The following KLF12 variants were observed in gnomAD, a reference collection of about 807,000 sequenced individuals.
KLF12 encodes Krueppel-like factor 12.
A neutral mutation model predicts 37.8 loss-of-function variants in KLF12; 9 were observed. The observed-to-expected ratio is 0.24, with a 90% confidence interval of 0.14 to 0.42. The LOEUF is 0.42. KLF12 is among the 10% of genes least tolerant of loss of function. KLF12 has a pLI of 1.00. For missense variants in KLF12, 411 were observed against 516.0 expected (o/e 0.80, Z 1.97); for synonymous variants, 208 against 202.1 (o/e 1.03, Z -0.25).
chr13:74,093,508 G>A (rs568711933), intron 1 of KLF12, among the ~76,000 whole-genome samples: 1 of 152,174 alleles, frequency 6.6e-6, no homozygotes, highest in South Asian at 2.1e-4. Context: ...ATTGGGCAAA[G>A]CTGGAATTCC....
At chr13:73,919,106 C>T (rs1436575329) in intron 3 of KLF12, among the ~76,000 whole-genome samples, 3 of 152,312 alleles carry the variant, frequency 2.0e-5, no homozygotes, top group African/African-American at 2.4e-5. Flanking sequence ...TACCCAGGAG[C>T]ACTGTCCACA....
chr13:74,001,797 C>T (rs1256377099), intron 1 of KLF12, among the ~76,000 whole-genome samples: 1 of 152,204 alleles, frequency 6.6e-6, no homozygotes, highest in Non-Finnish European at 1.5e-5. Flanking sequence ...TTCCATCAAA[C>T]TGTGAAACTT....
the KLF12 span, among the ~76,000 whole-genome samples, chr13:74,238,512 A>G: frequency 1.5e-5 from 2 of 137,156 alleles, no homozygotes; most frequent in Admixed American, 6.8e-5. Context: ...TTCAGAAGGA[A>G]TGGTACCAGT....
intron 1 of KLF12, among the ~76,000 whole-genome samples, chr13:74,070,151 G>C (rs1420369165): frequency 6.6e-6 from 1 of 152,188 alleles, no homozygotes; most frequent in East Asian, 1.9e-4. Flanking sequence ...AGACAAGAAG[G>C]AGAGGAGACC....
At chr13:73,780,503 GAGTT>G (rs1304866233) in intron 5 of KLF12, among the ~76,000 whole-genome samples, 1 of 151,388 alleles carries the variant, frequency 6.6e-6, no homozygotes. Context: ...CTTTGAGACG[GAGTT>G]TCGCTCTTGT....
intron 6 of KLF12, among the ~76,000 whole-genome samples, chr13:73,719,328 T>G (rs1876053690): frequency 6.6e-6 from 1 of 151,688 alleles, no homozygotes; most frequent in East Asian, 1.9e-4. Context: ...GGACTGGGGG[T>G]TTGTCTGAAC....
the KLF12 span, among the ~76,000 whole-genome samples, chr13:74,225,545 A>G: frequency 3.3e-5 from 5 of 152,236 alleles, no homozygotes; most frequent in African/African-American, 9.6e-5. Flanking sequence ...ATAGTATCCA[A>G]TAGTGATAAT....
intron 6 of KLF12, among the ~76,000 whole-genome samples, chr13:73,760,473 C>T (rs746271660): frequency 2.6e-5 from 4 of 151,968 alleles, no homozygotes; most frequent in Admixed American, 6.6e-5. Flanking sequence ...CATACCATCA[C>T]GCCTGGCTAA....
chr13:73,741,230 C>T (rs1877952925), intron 6 of KLF12, among the ~76,000 whole-genome samples: 1 of 152,044 alleles, frequency 6.6e-6, no homozygotes, highest in Non-Finnish European at 1.5e-5. Flanking sequence ...TGAAACACGT[C>T]GATGTGATGA....
chr13:74,187,031 C>G, the KLF12 span, among the ~76,000 whole-genome samples: 2 of 152,136 alleles, frequency 1.3e-5, no homozygotes, highest in Non-Finnish European at 2.9e-5. Flanking sequence ...ATAGAAGGTG[C>G]AACAAATTTT....
rs147145886 is a variant in KLF12 at position 74,121,338 on chromosome 13, C to T, written c.-32+12401G>A. 1.8e-4 allele frequency among the ~76,000 whole-genome samples: 27 copies of T among 151,886 alleles called. No individual in the cohort carries two copies. In the East Asian group the frequency reaches 5.0e-3, roughly 28 times the overall value. ...AGTACCAATTCTACACAAAGTATTC[C>T]AAAAAATAGAAGAGAATGAAAAACT... On this transcript the variant is annotated intron_variant, in intron 1 of 7. Coordinates refer to ENST00000377669, the MANE Select transcript of KLF12 (RefSeq NM_007249.5).
chr13:74,210,225 C>T, the KLF12 span, among the ~76,000 whole-genome samples: 1 of 152,078 alleles, frequency 6.6e-6, no homozygotes, highest in South Asian at 2.1e-4. Flanking sequence ...TCTAGGAATC[C>T]AGAAATATGG....
intron 6 of KLF12, among the ~76,000 whole-genome samples, chr13:73,741,008 C>T (rs1161061035): frequency 6.6e-6 from 1 of 152,208 alleles, no homozygotes; most frequent in Non-Finnish European, 1.5e-5. Context: ...AAATGAGACA[C>T]AGTCTCAAAG....
chr13:73,967,710 G>C (rs895113335), intron 2 of KLF12, among the ~76,000 whole-genome samples: 1 of 152,178 alleles, frequency 6.6e-6, no homozygotes, highest in Non-Finnish European at 1.5e-5. Flanking sequence ...CTGGATGGGT[G>C]AGGGGTTCTC....
the KLF12 span, among the ~76,000 whole-genome samples, chr13:74,158,953 A>T: frequency 1.3e-5 from 2 of 152,178 alleles, no homozygotes; most frequent in Non-Finnish European, 2.9e-5. Flanking sequence ...GAGCTCCTAC[A>T]TTGATTCATT....
chr13:74,154,239 A>AC, the KLF12 span, among the ~76,000 whole-genome samples: 1 of 151,928 alleles, frequency 6.6e-6, no homozygotes, highest in Non-Finnish European at 1.5e-5. Flanking sequence ...ATCTCAAAAA[A>AC]AAAATACTAT....
chr13:74,252,075 T>C, the KLF12 span, among the ~76,000 whole-genome samples: 1 of 152,212 alleles, frequency 6.6e-6, no homozygotes, highest in Non-Finnish European at 1.5e-5. Context: ...CAGGCACCAC[T>C]TCCCCCAAGG....
chr13:74,219,910 T>G, the KLF12 span, among the ~76,000 whole-genome samples: 1 of 151,750 alleles, frequency 6.6e-6, no homozygotes, highest in Admixed American at 6.5e-5. Flanking sequence ...AAGTTTCTTT[T>G]CTTTTAAAAC....
the KLF12 span, among the ~76,000 whole-genome samples, chr13:74,232,701 G>A: frequency 4.7e-4 from 71 of 152,238 alleles, no homozygotes; most frequent in Admixed American, 1.6e-3. Context: ...AATATACACT[G>A]TATATGACAT....
Sources: allele counts gnomAD v4.1 joint callset (sites outside exome capture counted in the v4.1 genomes callset), GRCh38; gene constraint gnomAD v4.1.1; transcripts MANE v1.5; gene names NCBI Gene and HGNC (gene_info 2026-07-23, HGNC 2026-07-21).